ASCC1: variants seen among roughly 807,000 people sequenced by gnomAD.
ASCC1 encodes ASC-1 complex subunit P50.
Under a neutral mutation model 46.6 loss-of-function variants are expected in ASCC1, and 35 were observed. The observed-to-expected ratio is 0.75, with a 90% CI of 0.57 to 0.99. ASCC1 has a LOEUF of 0.99. Among genes scored for constraint, ASCC1 ranks in the 50% least tolerant of loss-of-function variants. The pLI, the probability that ASCC1 is intolerant of heterozygous loss-of-function variation, is 0.00. For missense variants in ASCC1, 376 were observed against 428.7 expected, an observed-to-expected ratio of 0.88 and a Z score of 1.09; for synonymous variants, 143 against 146.6, an observed-to-expected ratio of 0.98 and a Z score of 0.18.
chr10:72,156,815 A>G (rs927479282), intron 6 of ASCC1, among the ~76,000 whole-genome samples: 7 of 152,108 alleles, frequency 4.6e-5, no homozygotes, highest in African/African-American at 1.4e-4. Context: ...GGATCAATCA[A>G]AAGACAGCTG....
intron 1 of ASCC1, among the ~76,000 whole-genome samples, chr10:72,214,033 G>A (rs746777902): frequency 4.7e-5 from 7 of 149,414 alleles, no homozygotes; most frequent in South Asian, 4.2e-4. Context: ...GCACAACTCC[G>A]TCTTAAAAAA....
Position 72,097,175 on chromosome 10 carries a change from G to T in ASCC1, c.*159C>A. The T allele has an allele frequency of 1.4e-6, 1 of 723,140 alleles. No individual in the cohort carries two copies. Among genetic ancestry groups the T allele is most frequent in the East Asian group, 2.7e-5 (1 of 37,488 alleles). 44.8% of individuals were successfully genotyped at this position (723,140 alleles called of 1,614,324 possible). ...CCACCATCTCAGCTGGTAGTATGAC[G>T]GGTGTAGACACCATTAGAGGCAATG... On this transcript the variant is annotated 3_prime_UTR_variant, in exon 10 of 10. Coordinates refer to ENST00000672957, the MANE Select transcript of ASCC1 (RefSeq NM_001198800.3).
chr10:72,107,066 A>T (rs761608051), intron 9 of ASCC1, among the ~76,000 whole-genome samples: 19 of 152,226 alleles, frequency 1.2e-4, no homozygotes, highest in Non-Finnish European at 2.5e-4. Flanking sequence ...GCAAAACATC[A>T]AAACAAATAA....
At chr10:72,210,357 G>A (rs988015940) in intron 3 of ASCC1, among the ~76,000 whole-genome samples, 3 of 151,760 alleles carry the variant, frequency 2.0e-5, no homozygotes, top group Non-Finnish European at 4.4e-5. Flanking sequence ...ACGGGGTTTC[G>A]CCATGTTGAC....
At chr10:72,097,516 A>C (rs1841222845) in intron 9 of ASCC1, 66 bp from the exon 10 acceptor site, 4 of 989,946 alleles carry the variant, frequency 4.0e-6, no homozygotes, top group South Asian at 2.7e-5. Context: ...TAAACATCAG[A>C]TTATCTTGTA....
intron 9 of ASCC1, among the ~76,000 whole-genome samples, chr10:72,111,343 G>T (rs1842901607): frequency 6.6e-6 from 1 of 152,108 alleles, no homozygotes; most frequent in Admixed American, 6.5e-5. Context: ...AAAATTAGTT[G>T]GGTGTGGCAG....
intron 2 of ASCC1, among the ~76,000 whole-genome samples, chr10:72,211,793 A>C (rs1196546039): frequency 6.6e-6 from 1 of 152,076 alleles, no homozygotes; most frequent in Non-Finnish European, 1.5e-5. Flanking sequence ...ACTGCACTCC[A>C]GCCTGGGTGA....
intron 5 of ASCC1, among the ~76,000 whole-genome samples, chr10:72,184,327 A>G (rs893641335): frequency 2.6e-5 from 4 of 152,140 alleles, no homozygotes; most frequent in Admixed American, 6.6e-5. Context: ...TTAAACGTAA[A>G]TGTTCTATCT....
At chr10:72,215,777 T>A (rs1402271304) in intron 1 of ASCC1, 4 of 152,330 alleles carry the variant, frequency 2.6e-5, no homozygotes. Context: ...AATAACCAAC[T>A]TAACCCTGCT....
At chr10:72,172,709 T>A (rs868245446) in intron 5 of ASCC1, among the ~76,000 whole-genome samples, 3 of 137,426 alleles carry the variant, frequency 2.2e-5, no homozygotes, top group African/African-American at 8.2e-5. Context: ...AATATATATA[T>A]TATATATAAT....
chr10:72,185,627 G>T (rs893293933), intron 5 of ASCC1, among the ~76,000 whole-genome samples: 1 of 152,168 alleles, frequency 6.6e-6, no homozygotes, highest in Non-Finnish European at 1.5e-5. Flanking sequence ...AAATAGATTA[G>T]TGGTTGCCTG....
intron 8 of ASCC1, among the ~76,000 whole-genome samples, chr10:72,128,792 T>TA (rs1431828241): frequency 6.6e-6 from 1 of 152,014 alleles, no homozygotes; most frequent in Non-Finnish European, 1.5e-5. Context: ...AAGACATCCT[T>TA]AAAGGTTGGC....
intron 9 of ASCC1, among the ~76,000 whole-genome samples, chr10:72,115,630 G>A (rs899696674): frequency 6.6e-5 from 10 of 152,218 alleles, no homozygotes; most frequent in African/African-American, 1.9e-4. Flanking sequence ...AACACTCTCA[G>A]TGCAGATACT....
chr10:72,139,114 CTTTTT>C (rs1222967667), intron 7 of ASCC1, among the ~76,000 whole-genome samples: 1 of 130,716 alleles, frequency 7.7e-6, no homozygotes, highest in African/African-American at 3.1e-5. Flanking sequence ...TTTTCTTTTT[CTTTTT>C]TTTTTTTTTT....
At chr10:72,214,953 C>T (rs1366480189) in intron 1 of ASCC1, among the ~76,000 whole-genome samples, 1 of 152,220 alleles carries the variant, frequency 6.6e-6, no homozygotes, top group Non-Finnish European at 1.5e-5. Flanking sequence ...GGTCACATCA[C>T]TTAATGAATC....
chr10:72,099,595 G>A (rs189572315), intron 9 of ASCC1, among the ~76,000 whole-genome samples: 23 of 152,200 alleles, frequency 1.5e-4, no homozygotes, highest in East Asian at 3.9e-4. Context: ...CTGAGGCAGC[G>A]GGATCACCTG....
intron 1 of ASCC1, chr10:72,215,710 G>GC (rs1158713088): frequency 5.3e-5 from 8 of 152,252 alleles, no homozygotes; most frequent in Non-Finnish European, 1.2e-4. Flanking sequence ...AGCAAATGCA[G>GC]CATCTACCTG....
rs1845803426 is a variant in ASCC1, at chr10:72,133,201, G to A, written c.747-20C>T. ...TGTAGCCTGGAGAAATTGGAGAAAAGTAATGCAGAAATCTTAGTAAACTTC... is the reference window on the plus strand; with the variant it reads ...TGTAGCCTGGAGAAATTGGAGAAAAATAATGCAGAAATCTTAGTAAACTTC... On this transcript the variant is annotated intron_variant, in intron 7 of 9. Transcript: ENST00000672957. The A allele has an allele frequency of 6.2e-7, 1 of 1,613,438 alleles. No homozygotes were observed. The highest frequency in any genetic ancestry group is 8.5e-7 in the Non-Finnish European group (1 of 1,179,548).
intron 5 of ASCC1, among the ~76,000 whole-genome samples, chr10:72,194,059 G>C (rs1366910367): frequency 6.6e-6 from 1 of 151,080 alleles, no homozygotes; most frequent in Non-Finnish European, 1.5e-5. Context: ...AGCCAGGATG[G>C]TCTCAATCTA....
Sources: gnomAD v4.1 joint callset for allele counts (sites outside exome capture counted in the v4.1 genomes callset) on GRCh38, gnomAD v4.1.1 for gene constraint, MANE v1.5 for transcripts, NCBI Gene and HGNC (gene_info 2026-07-23, HGNC 2026-07-21) for gene names.